Variants in KLRG2 observed in about 807,000 individuals in gnomAD.
KLRG2 encodes the protein killer cell lectin like receptor G2, also known as killer cell lectin-like receptor subfamily G member 2.
In KLRG2, 39 loss-of-function variants were observed where a neutral mutation model predicts 35.4. The observed-to-expected ratio is 1.10, with a 90% confidence interval of 0.85 to 1.44. The LOEUF (loss-of-function observed/expected upper bound fraction) is 1.44, where lower values mean the gene tolerates loss of function less well. Ranked by LOEUF, KLRG2 falls within the 40% of genes most tolerant of loss-of-function variation. The pLI, the probability that KLRG2 is intolerant of heterozygous loss-of-function variation, is 0.00. For missense variants in KLRG2, 632 were observed against 570.9 expected (o/e 1.11, Z -1.09); for synonymous variants, 283 against 265.8 (o/e 1.06, Z -0.63).
intron 3 of KLRG2, among the ~76,000 whole-genome samples, chr7:139,473,151 C>T (rs1048430075): frequency 6.6e-6 from 1 of 152,008 alleles, no homozygotes; most frequent in Non-Finnish European, 1.5e-5. Context: ...TGTGGTGGTT[C>T]GACCCTATAA....
rs374455676 is a variant in KLRG2 at position 139,480,169 on chromosome 7, A to G, written c.836T>C (p.Ile279Thr). 2.4e-5 allele frequency: 39 copies of G among 1,613,814 alleles called. No individual in the cohort carries two copies. The highest frequency in any genetic ancestry group is 3.1e-5 in the Non-Finnish European group (36 of 1,179,744). ...ACCTGCTCTTGAGGCCAGGACCACA[A>G]TGACAACCCCAGAGACTGCCAGGAG... ...AVLLAVSGVV[I>T]VVLASRAGAR... is the part of the protein sequence containing the mutation. The change falls in exon 2 of 5, where the codon ATT (isoleucine) becomes ACT (threonine). Residue 279 changes from isoleucine to threonine, a missense_variant. Coordinates refer to ENST00000340940, the MANE Select transcript of KLRG2 (RefSeq NM_198508.4).
intron 3 of KLRG2, among the ~76,000 whole-genome samples, chr7:139,465,103 T>G (rs575904831): frequency 8.5e-5 from 13 of 152,300 alleles, no homozygotes; most frequent in African/African-American, 2.6e-4. Flanking sequence ...CAGGCCTAAC[T>G]GCCACTCACC....
Position 139,462,333 on chromosome 7 carries a change from C to T in KLRG2, c.1006-8119G>A, listed in dbSNP as rs187190002. On this transcript the variant is annotated intron_variant, in intron 3 of 4. Coordinates refer to ENST00000340940, the MANE Select transcript of KLRG2 (RefSeq NM_198508.4). Reference sequence around the variant, plus strand: ...TCTTGGGGGCAAGCACCCCTCACCCCTTCTCTCCGTGTCTCTACCCCTTTT... The same window carrying T: ...TCTTGGGGGCAAGCACCCCTCACCCTTTCTCTCCGTGTCTCTACCCCTTTT... Among the ~76,000 whole-genome samples, 5 of 152,194 alleles carry T rather than the reference C, an allele frequency of 3.3e-5. No individual in the cohort carries two copies. The East Asian group carries it at 7.7e-4, about 24-fold the overall frequency.
Position 139,483,370 on chromosome 7 carries a change from G to C in KLRG2, c.273C>G (p.Pro91=). ...PPLSLGYGVC[P]EPPSPGPALV... ...AGGCAGGGCCCGGTGACGGCGGCTC[G>C]GGGCAGACCCCGTAGCCCAGGCTGA... The change falls in exon 1 of 5, where the codon CCC becomes CCG. Residue 91 remains proline, a synonymous_variant. Coordinates refer to ENST00000340940, the MANE Select transcript of KLRG2 (RefSeq NM_198508.4). 1.3e-6 allele frequency: 2 copies of C among 1,538,708 alleles called. No homozygotes were observed. The highest frequency in any genetic ancestry group is 1.7e-6 in the Non-Finnish European group (2 of 1,153,902).
At chr7:139,437,505 G>A in the KLRG2 span, among the ~76,000 whole-genome samples, 5 of 151,576 alleles carry the variant, frequency 3.3e-5, no homozygotes, top group Non-Finnish European at 7.4e-5. Flanking sequence ...TGCCCAGGCT[G>A]GAATGCAGTG....
intron 3 of KLRG2, among the ~76,000 whole-genome samples, chr7:139,457,064 G>A (rs796072946): frequency 1.3e-5 from 2 of 152,296 alleles, no homozygotes; most frequent in African/African-American, 4.8e-5. Context: ...GAGAAGTCAG[G>A]GGCAACTTCC....
intron 3 of KLRG2, among the ~76,000 whole-genome samples, chr7:139,465,716 AAAGG>A (rs1367559229): frequency 2.0e-5 from 3 of 151,730 alleles, no homozygotes; most frequent in South Asian, 4.2e-4. Context: ...AGAAAGAAAG[AAAGG>A]AAGGAAGCTA....
intron 3 of KLRG2, among the ~76,000 whole-genome samples, chr7:139,474,014 C>CA (rs1554404937): frequency 5.4e-5 from 7 of 129,932 alleles, no homozygotes; most frequent in African/African-American, 2.1e-4. Context: ...GTGGCTCAGA[C>CA]TTTTTTTTTT....
chr7:139,441,931 T>A, the KLRG2 span, among the ~76,000 whole-genome samples: 1 of 151,800 alleles, frequency 6.6e-6, no homozygotes. Flanking sequence ...CCCAAAGCAG[T>A]AAGGAGAACA....
At chr7:139,468,646 G>C (rs7804102) in intron 3 of KLRG2, among the ~76,000 whole-genome samples, 2 of 152,194 alleles carry the variant, frequency 1.3e-5, no homozygotes, top group East Asian at 1.9e-4. Flanking sequence ...TCACACGGAC[G>C]TGAGTGAAAA....
the KLRG2 span, among the ~76,000 whole-genome samples, chr7:139,445,808 T>TATAC: frequency 2.1e-5 from 3 of 141,744 alleles, no homozygotes; most frequent in Non-Finnish European, 4.5e-5. Context: ...TATATATATA[T>TATAC]GACGGAGTTT....
the KLRG2 span, among the ~76,000 whole-genome samples, chr7:139,435,456 C>T: frequency 3.9e-5 from 6 of 152,146 alleles, no homozygotes; most frequent in African/African-American, 1.4e-4. Flanking sequence ...TGCCACTGCA[C>T]TCCAGCCTGG....
chr7:139,474,015 T>A (rs111908147), intron 3 of KLRG2, among the ~76,000 whole-genome samples: 5 of 125,930 alleles, frequency 4.0e-5, no homozygotes, highest in South Asian at 2.4e-4. Context: ...TGGCTCAGAC[T>A]TTTTTTTTTT....
chr7:139,433,929 C>T, the KLRG2 span, among the ~76,000 whole-genome samples: 7 of 152,032 alleles, frequency 4.6e-5, no homozygotes, highest in African/African-American at 1.2e-4. Context: ...TGAGCCACCG[C>T]GCCCAGCATC....
intron 3 of KLRG2, among the ~76,000 whole-genome samples, chr7:139,468,646 G>T (rs7804102): frequency 6.6e-6 from 1 of 152,194 alleles, no homozygotes; most frequent in African/African-American, 2.4e-5. Flanking sequence ...TCACACGGAC[G>T]TGAGTGAAAA....
intron 3 of KLRG2, among the ~76,000 whole-genome samples, chr7:139,463,719 TCTGA>T (rs1321813924): frequency 6.6e-6 from 1 of 152,214 alleles, no homozygotes; most frequent in Non-Finnish European, 1.5e-5. Context: ...CCCAAGGCTC[TCTGA>T]CTGACTCCTT....
At chr7:139,444,780 G>A in the KLRG2 span, among the ~76,000 whole-genome samples, 3 of 152,204 alleles carry the variant, frequency 2.0e-5, no homozygotes, top group South Asian at 4.1e-4. Flanking sequence ...CTATTACGAC[G>A]ACACAAAACT....
chr7:139,429,385 TC>T, the KLRG2 span, among the ~76,000 whole-genome samples: 805 of 144,904 alleles, frequency 5.6e-3, 16 homozygotes, highest in African/African-American at 0.019. Flanking sequence ...TTTTTCTTTT[TC>T]TTTTTTTTTT....
intron 3 of KLRG2, 122 bp downstream of exon 3, chr7:139,479,505 C>T: frequency 9.8e-7 from 1 of 1,015,244 alleles, no homozygotes; most frequent in Admixed American, 2.1e-5. Flanking sequence ...CATGCTACTC[C>T]TCTACACCTT....
Sources: allele counts gnomAD v4.1 joint callset (sites outside exome capture counted in the v4.1 genomes callset), GRCh38; gene constraint gnomAD v4.1.1; transcripts MANE v1.5; gene names NCBI Gene and HGNC (gene_info 2026-07-23, HGNC 2026-07-21).